Variants in LRRTM4 observed in about 807,000 individuals in gnomAD.
LRRTM4 encodes leucine rich repeat transmembrane neuronal 4.
In LRRTM4, 25 loss-of-function variants were observed where a neutral mutation model predicts 47.6. The ratio of observed to expected loss-of-function variants is 0.53; its 90% CI spans 0.38 to 0.73. The LOEUF (loss-of-function observed/expected upper bound fraction) is 0.73. Ranked by LOEUF, LRRTM4 falls within the 30% of genes least tolerant of loss-of-function variation. LRRTM4 has a pLI of 0.00. For synonymous variants in LRRTM4, 311 were observed against 269.5 expected (o/e 1.15, Z -1.51); for missense variants, 638 against 713.4 (o/e 0.89, Z 1.20).
intron 3 of LRRTM4, among the ~76,000 whole-genome samples, chr2:76,868,614 G>A (rs181948809): frequency 6.6e-6 from 1 of 152,228 alleles, no homozygotes; most frequent in Admixed American, 6.5e-5. Flanking sequence ...TCAACTTAAG[G>A]AAGTTCAAAC....
intron 3 of LRRTM4, among the ~76,000 whole-genome samples, chr2:76,909,172 C>G (rs919809788): frequency 5.3e-5 from 8 of 152,070 alleles, no homozygotes; most frequent in African/African-American, 1.7e-4. Flanking sequence ...CAGAACAGAG[C>G]CCTCAGAAAT....
At chr2:76,767,274 G>C (rs896914746) in intron 3 of LRRTM4, among the ~76,000 whole-genome samples, 8 of 152,158 alleles carry the variant, frequency 5.3e-5, no homozygotes, top group Admixed American at 3.3e-4. Context: ...TATTACATTA[G>C]AGGTGAAATG....
rs769562211 is a variant in LRRTM4, at chr2:77,067,650, AAAG to A, written c.1552-318737_1552-318735del. On this transcript the variant is annotated intron_variant, in intron 3 of 3. Transcript: ENST00000409884. The stretch of plus-strand genomic sequence containing the variant: ...AAGATACATATTATGAAAAACATAA[AAAG>A]AAGGATTACGGTGATTGGTTTTCAA... Among the ~76,000 whole-genome samples, 22 of 151,724 alleles carry A rather than the reference AAAG, an allele frequency of 1.5e-4. 1 individual carries two copies. In the Middle Eastern group the frequency reaches 0.014, roughly 94 times the overall value.
At chr2:76,803,422 G>C (rs1368485571) in intron 3 of LRRTM4, among the ~76,000 whole-genome samples, 1 of 152,044 alleles carries the variant, frequency 6.6e-6, no homozygotes, top group African/African-American at 2.4e-5. Context: ...TGGTAAAATG[G>C]CTATTATAAG....
intron 3 of LRRTM4, among the ~76,000 whole-genome samples, chr2:77,188,033 C>T (rs1673559512): frequency 6.6e-6 from 1 of 152,108 alleles, no homozygotes; most frequent in Non-Finnish European, 1.5e-5. Context: ...ACCAATTTTA[C>T]ATTTAGCTTT....
At chr2:77,184,607 G>A (rs1352142690) in intron 3 of LRRTM4, among the ~76,000 whole-genome samples, 1 of 152,088 alleles carries the variant, frequency 6.6e-6, no homozygotes, top group Non-Finnish European at 1.5e-5. Flanking sequence ...TCCCAAAGGA[G>A]TTCGAGTTTG....
At chr2:76,877,256 C>T (rs552035266) in intron 3 of LRRTM4, among the ~76,000 whole-genome samples, 1 of 152,094 alleles carries the variant, frequency 6.6e-6, no homozygotes, top group South Asian at 2.1e-4. Flanking sequence ...GAAAATGTTA[C>T]TTTATTAGTT....
chr2:77,274,478 T>C (rs947369959), intron 3 of LRRTM4, among the ~76,000 whole-genome samples: 3 of 152,178 alleles, frequency 2.0e-5, no homozygotes, highest in African/African-American at 7.2e-5. Flanking sequence ...CTAACAGATA[T>C]GCTTCCAATG....
intron 3 of LRRTM4, among the ~76,000 whole-genome samples, chr2:76,964,579 A>C (rs1675963002): frequency 6.6e-6 from 1 of 150,960 alleles, no homozygotes; most frequent in Admixed American, 6.6e-5. Flanking sequence ...TGACATATTG[A>C]AAACTGAAAT....
At chr2:77,195,462 A>C (rs956474614) in intron 3 of LRRTM4, among the ~76,000 whole-genome samples, 14 of 152,070 alleles carry the variant, frequency 9.2e-5, no homozygotes, top group Admixed American at 9.2e-4. Flanking sequence ...ACAAGTAGGA[A>C]AACTTATCAC....
intron 3 of LRRTM4, among the ~76,000 whole-genome samples, chr2:76,833,590 AC>A (rs1671420046): frequency 6.6e-6 from 1 of 152,012 alleles, no homozygotes; most frequent in Admixed American, 6.6e-5. Flanking sequence ...ATAATATATT[AC>A]CAGTAAATAA....
In LRRTM4 at chr2:77,350,840, T is replaced by C. The variant is rs1159965574; in HGVS notation, c.1551+167478A>G. On this transcript the variant is annotated intron_variant, in intron 3 of 3. Transcript: ENST00000409884. ...CTCACCAGTACTCAGAAATATGCCA[T>C]GTATAAAAGACTTCACTGTAGTGAA... Among the ~76,000 whole-genome samples, 5 of 152,154 alleles carry C rather than the reference T, an allele frequency of 3.3e-5. No individual in the cohort carries two copies. The South Asian group carries it at 1.0e-3, about 31-fold the overall frequency.
intron 3 of LRRTM4, among the ~76,000 whole-genome samples, chr2:77,202,957 GA>G (rs2103903449): frequency 6.6e-6 from 1 of 152,100 alleles, no homozygotes; most frequent in Non-Finnish European, 1.5e-5. Flanking sequence ...GAGTGCTTTG[GA>G]AGGCCCTCAG....
At chr2:77,362,145 G>GAAA (rs1219758975) in intron 3 of LRRTM4, among the ~76,000 whole-genome samples, 1 of 149,234 alleles carries the variant, frequency 6.7e-6, no homozygotes, top group Non-Finnish European at 1.5e-5. Flanking sequence ...AAGAAAGAAA[G>GAAA]AAAGAAAGAA....
chr2:77,387,305 A>C (rs981271413), intron 3 of LRRTM4, among the ~76,000 whole-genome samples: 5 of 152,132 alleles, frequency 3.3e-5, no homozygotes, highest in African/African-American at 1.2e-4. Flanking sequence ...TGTAAACCAA[A>C]GGAAATTTTC....
chr2:76,976,265 A>G (rs951493637), intron 3 of LRRTM4, among the ~76,000 whole-genome samples: 2 of 151,810 alleles, frequency 1.3e-5, no homozygotes, highest in African/African-American at 4.8e-5. Flanking sequence ...ATAAAAGTGC[A>G]TCTAAAATAA....
intron 3 of LRRTM4, among the ~76,000 whole-genome samples, chr2:77,225,577 T>C (rs1349657374): frequency 6.6e-6 from 1 of 152,144 alleles, no homozygotes; most frequent in African/African-American, 2.4e-5. Context: ...GTACATGGAA[T>C]AGTGTTACTC....
At chr2:77,040,078 A>G (rs2104171991) in intron 3 of LRRTM4, among the ~76,000 whole-genome samples, 1 of 151,374 alleles carries the variant, frequency 6.6e-6, no homozygotes, top group South Asian at 2.1e-4. Flanking sequence ...GGTAGGCAGC[A>G]AAGTATAATA....
chr2:77,010,033 A>T (rs1283407859), intron 3 of LRRTM4, among the ~76,000 whole-genome samples: 1 of 151,910 alleles, frequency 6.6e-6, no homozygotes, highest in African/African-American at 2.4e-5. Flanking sequence ...AATTGAATAT[A>T]TTTATAGTAT....
Sources: gnomAD v4.1 joint callset for allele counts (sites outside exome capture counted in the v4.1 genomes callset) on GRCh38, gnomAD v4.1.1 for gene constraint, MANE v1.5 for transcripts, NCBI Gene and HGNC (gene_info 2026-07-23, HGNC 2026-07-21) for gene names.